OSBPL6: variants seen among roughly 807,000 people sequenced by gnomAD.
OSBPL6 encodes the protein oxysterol binding protein like 6.
OSBPL6 carries 49 observed loss-of-function variants against 125.8 expected under a neutral mutation model. That is an observed-to-expected ratio of 0.39 (90% confidence interval 0.31 to 0.49). The LOEUF (loss-of-function observed/expected upper bound fraction) is 0.49. Ranked by LOEUF, OSBPL6 falls within the 20% of genes least tolerant of loss-of-function variation. OSBPL6 has a pLI of 0.88. For synonymous variants in OSBPL6, 394 were observed against 391.8 expected, an observed-to-expected ratio of 1.01 and a Z score of -0.07; for missense variants, 986 against 1,135.4, an observed-to-expected ratio of 0.87 and a Z score of 1.89.
intron 1 of OSBPL6, among the ~76,000 whole-genome samples, chr2:178,245,684 A>G (rs1437435554): frequency 6.6e-6 from 1 of 152,194 alleles, no homozygotes; most frequent in Non-Finnish European, 1.5e-5. Context: ...CACATATAAC[A>G]TGTCATCTGA....
intron 1 of OSBPL6, among the ~76,000 whole-genome samples, chr2:178,209,047 T>C (rs2089703064): frequency 6.6e-6 from 1 of 152,136 alleles, no homozygotes; most frequent in African/African-American, 2.4e-5. Flanking sequence ...CCTAAGTTTG[T>C]TTTTCTGTCT....
At chr2:178,320,555 G>A (rs78476484) in intron 3 of OSBPL6, among the ~76,000 whole-genome samples, 22,416 of 152,174 alleles carry the variant, frequency 0.15, 1,806 homozygotes, top group Admixed American at 0.23. Flanking sequence ...TACATAATGT[G>A]TGTAACACCT....
intron 12 of OSBPL6, among the ~76,000 whole-genome samples, chr2:178,353,341 A>C (rs556800304): frequency 6.6e-6 from 1 of 152,166 alleles, no homozygotes; most frequent in African/African-American, 2.4e-5. Flanking sequence ...GGAAGCTAAA[A>C]ACCTTGAAAA....
chr2:178,219,705 A>G (rs1429789416), intron 1 of OSBPL6, among the ~76,000 whole-genome samples: 1 of 152,204 alleles, frequency 6.6e-6, no homozygotes, highest in African/African-American at 2.4e-5. Flanking sequence ...GTGTAACAGC[A>G]ACTAATTACG....
chr2:178,367,488 C>CTATGTTT (rs1342214305), intron 13 of OSBPL6, among the ~76,000 whole-genome samples: 1 of 152,132 alleles, frequency 6.6e-6, no homozygotes, highest in Non-Finnish European at 1.5e-5. Context: ...CATTAGGCTT[C>CTATGTTT]TATGTTTTTC....
At chr2:178,314,261 T>C (rs1285301703) in intron 3 of OSBPL6, among the ~76,000 whole-genome samples, 1 of 152,218 alleles carries the variant, frequency 6.6e-6, no homozygotes, top group Non-Finnish European at 1.5e-5. Context: ...CAAGCATCCC[T>C]GATTTGATAC....
At chr2:178,195,299 A>G (rs989758416) in intron 1 of OSBPL6, among the ~76,000 whole-genome samples, 3 of 151,598 alleles carry the variant, frequency 2.0e-5, no homozygotes, top group Non-Finnish European at 2.9e-5. Context: ...GCCTCCGTCC[A>G]CTCCCCCGGC....
intron 3 of OSBPL6, among the ~76,000 whole-genome samples, chr2:178,312,721 G>A (rs373892585): frequency 1.2e-4 from 19 of 152,206 alleles, no homozygotes; most frequent in African/African-American, 4.6e-4. Context: ...CTCCCAAAGT[G>A]CTGGGATTTC....
intron 3 of OSBPL6, among the ~76,000 whole-genome samples, chr2:178,314,360 C>T (rs947316100): frequency 6.6e-6 from 1 of 152,172 alleles, no homozygotes; most frequent in African/African-American, 2.4e-5. Flanking sequence ...CCACTGGACC[C>T]AGGGATTTGC....
chr2:178,285,118 C>A lies in OSBPL6; in HGVS notation c.-159C>A, dbSNP rs892977144. 16 of 398,210 alleles carry A rather than the reference C, an allele frequency of 4.0e-5. No individual in the cohort carries two copies. Among genetic ancestry groups the A allele is most frequent in the Non-Finnish European group, 7.1e-5 (16 of 225,932 alleles). 24.7% of individuals were successfully genotyped at this position (398,210 alleles called of 1,614,324 possible). A position where few individuals can be genotyped will look rare whatever the true frequency, so the allele number is the denominator to read the frequency against. On this transcript the variant is annotated 5_prime_UTR_variant, in exon 2 of 25. Transcript: ENST00000190611. ...CTTGGAAGACTTTGACTCCAAGGTG[C>A]AAGGTGAGTTAGAAGAACACAAGCT...
chr2:178,340,855 T>C (rs1373481323), intron 11 of OSBPL6, among the ~76,000 whole-genome samples: 2 of 152,204 alleles, frequency 1.3e-5, no homozygotes, highest in Non-Finnish European at 2.9e-5. Flanking sequence ...GCTAATCTGA[T>C]ATATTTGAAA....
chr2:178,196,715 A>G (rs977785763), intron 1 of OSBPL6, among the ~76,000 whole-genome samples: 3 of 152,234 alleles, frequency 2.0e-5, no homozygotes, highest in Non-Finnish European at 2.9e-5. Context: ...GACTTTACTC[A>G]TGAAACTGTT....
chr2:178,374,047 T>C lies in OSBPL6; in HGVS notation c.1533+20T>C, dbSNP rs771831475. On this transcript the variant is annotated intron_variant, in intron 15 of 24. Coordinates refer to ENST00000190611, the MANE Select transcript of OSBPL6 (RefSeq NM_032523.4). ...AATGAGGTATGTATGCCTCCTTGAC[T>C]TGTTGGCCTCAACATCTTGTGACTG... 6.2e-7 allele frequency: 1 copy of C among 1,610,914 alleles called. No individual in the cohort carries two copies. The highest frequency in any genetic ancestry group is 1.7e-5 in the Admixed American group (1 of 59,616).
intron 15 of OSBPL6, among the ~76,000 whole-genome samples, chr2:178,376,146 G>A (rs1289382037): frequency 6.6e-6 from 1 of 152,140 alleles, no homozygotes; most frequent in African/African-American, 2.4e-5. Context: ...CCAAGAGAGA[G>A]TCAGCTCAGG....
chr2:178,317,071 G>C (rs1687797846), intron 3 of OSBPL6, among the ~76,000 whole-genome samples: 1 of 151,696 alleles, frequency 6.6e-6, no homozygotes, highest in East Asian at 1.9e-4. Flanking sequence ...CTATTTTTCT[G>C]TTTTCCCCCC....
At chr2:178,261,884 A>G (rs2092077303) in intron 1 of OSBPL6, among the ~76,000 whole-genome samples, 2 of 152,214 alleles carry the variant, frequency 1.3e-5, no homozygotes, top group African/African-American at 4.8e-5. Flanking sequence ...TATGAATATA[A>G]GACAAGATTG....
intron 12 of OSBPL6, among the ~76,000 whole-genome samples, chr2:178,355,850 C>G (rs539960298): frequency 2.6e-5 from 4 of 152,364 alleles, no homozygotes; most frequent in African/African-American, 9.6e-5. Context: ...AAAATACTGG[C>G]AAACCGAATC....
rs188554689 is a variant in OSBPL6 at position 178,355,156 on chromosome 2, C to T, written c.1153+5767C>T. ...GCAGGAAGATCCAAAAACCAACACC[C>T]TAACATCACAATTAAAAGAACTAGA... On this transcript the variant is annotated intron_variant, in intron 12 of 24. Transcript: ENST00000190611. 3.1e-3 allele frequency among the ~76,000 whole-genome samples: 471 copies of T among 152,182 alleles called. 3 individuals carry two copies. The highest frequency in any genetic ancestry group is 0.011 in the African/African-American group (459 of 41,524).
intron 15 of OSBPL6, among the ~76,000 whole-genome samples, 192 bp downstream of exon 15, chr2:178,374,219 C>T (rs572889544): frequency 1.6e-4 from 24 of 152,260 alleles, no homozygotes; most frequent in Non-Finnish European, 2.5e-4. Context: ...GAGCACTTAA[C>T]GTTTCTGAGC....
Sources: allele counts gnomAD v4.1 joint callset (sites outside exome capture counted in the v4.1 genomes callset), GRCh38; gene constraint gnomAD v4.1.1; transcripts MANE v1.5; gene names NCBI Gene and HGNC (gene_info 2026-07-23, HGNC 2026-07-21).